The following NOMO3 variants were observed in gnomAD, a reference collection of about 807,000 sequenced individuals.
The protein encoded by NOMO3 is NODAL modulator 3, also known as BOS complex subunit NOMO3.
NOMO3 carries 15 observed loss-of-function variants against 69.9 expected under a neutral mutation model. That is an observed-to-expected ratio of 0.21 (90% CI 0.14 to 0.33). The LOEUF (loss-of-function observed/expected upper bound fraction) is 0.33. NOMO3 is among the 10% of genes least tolerant of loss of function. The pLI is 1.00. For missense variants in NOMO3, 218 were observed against 761.0 expected, an observed-to-expected ratio of 0.29 and a Z score of 8.39; for synonymous variants, 89 against 301.9, an observed-to-expected ratio of 0.29 and a Z score of 7.31.
rs911442866 is a variant in NOMO3 at position 16,245,315 on chromosome 16, C to T, written c.509+141C>T. 2.8e-5 allele frequency: 38 copies of T among 1,372,302 alleles called. 5 individuals carry two copies. Among genetic ancestry groups the T allele is most frequent in the African/African-American group, 5.2e-5 (3 of 58,100 alleles). 85.0% of individuals were successfully genotyped at this position (1,372,302 alleles called of 1,614,324 possible). A position where few individuals can be genotyped will look rare whatever the true frequency, so the allele number is the denominator to read the frequency against. ...TCTTAAGTTTGGGTGAGTTCATGCC[C>T]GTCAGAGTGCTGAGTTCCCCACATG... On this transcript the variant is annotated intron_variant, in intron 5 of 30. Coordinates refer to ENST00000399336, the MANE Select transcript of NOMO3 (RefSeq NM_001004067.4).
At chr16:16,254,661 G>T (rs1191729659) in intron 9 of NOMO3, among the ~76,000 whole-genome samples, 3 of 143,232 alleles carry the variant, frequency 2.1e-5, no homozygotes, top group Non-Finnish European at 4.4e-5. Context: ...CTGTCTCCAT[G>T]AGGTAACATG....
At chr16:16,239,186 C>T (rs1183087163) in intron 2 of NOMO3, among the ~76,000 whole-genome samples, 9 of 144,322 alleles carry the variant, frequency 6.2e-5, no homozygotes, top group Non-Finnish European at 1.3e-4. Context: ...GATCCCCTTC[C>T]GCTGCCCATG....
In NOMO3 at chr16:16,237,114, T is replaced by C. The variant is rs1394255017; in HGVS notation, c.255+124T>C. 4.3e-6 allele frequency: 5 copies of C among 1,159,936 alleles called. 2 individuals are homozygous for C. In the African/African-American group the frequency reaches 7.2e-5, roughly 17 times the overall value. 71.9% of individuals were successfully genotyped at this position (1,159,936 alleles called of 1,614,324 possible). On this transcript the variant is annotated intron_variant, in intron 2 of 30. Transcript: ENST00000399336. ...TGTTTTGTAAATTATTAGTGGAATA[T>C]GATAATCCTAGCCACATTTGGAGGG...
At chr16:16,235,994 C>T in intron 1 of NOMO3, 2 of 308,044 alleles carry the variant, frequency 6.5e-6, no homozygotes, top group Non-Finnish European at 1.3e-5. Context: ...ACTGGGTTAA[C>T]ACTTCGTGTC....
At chr16:16,241,323 T>G (rs2141247845) in intron 3 of NOMO3, among the ~76,000 whole-genome samples, 1 of 143,730 alleles carries the variant, frequency 7.0e-6, no homozygotes, top group Admixed American at 6.8e-5. Flanking sequence ...TTTATCTGTA[T>G]CATTTGTAGC....
rs1288997145 is a variant in NOMO3 at position 16,256,122 on chromosome 16, C to T, written c.1184C>T (p.Pro395Leu). 4 of 1,587,402 alleles carry T rather than the reference C, an allele frequency of 2.5e-6. 1 individual carries two copies. The highest frequency in any genetic ancestry group is 3.2e-5 in the African/African-American group (2 of 62,672). The change falls in exon 11 of 31, where the codon CCA becomes CTA. Residue 395 changes from proline to leucine, a missense_variant. Pro to Leu is a moderately conservative substitution (Grantham distance 98, BLOSUM62 -3). Coordinates refer to ENST00000399336, the MANE Select transcript of NOMO3 (RefSeq NM_001004067.4). ...YFETVTIKIA[P>L]NTPQLADIVA... ...GAAACGGTCACCATCAAAATTGCACCAAACACACCTCAGCTGGCTGACATT... is the reference window on the plus strand; with the variant it reads ...GAAACGGTCACCATCAAAATTGCACTAAACACACCTCAGCTGGCTGACATT...
intron 2 of NOMO3, among the ~76,000 whole-genome samples, chr16:16,237,663 C>T (rs1302322926): frequency 2.8e-5 from 4 of 143,338 alleles, no homozygotes; most frequent in Non-Finnish European, 1.5e-5. Flanking sequence ...ATTTTCCTTC[C>T]TCAGCCTCCT....
At chr16:16,236,120 T>C in intron 1 of NOMO3, 1 of 164,964 alleles carries the variant, frequency 6.1e-6, no homozygotes, top group Non-Finnish European at 1.3e-5. Context: ...ATTAAGTTTC[T>C]AGATGAATGT....
intron 11 of NOMO3, among the ~76,000 whole-genome samples, chr16:16,259,444 G>A (rs2141256961): frequency 7.2e-6 from 1 of 139,356 alleles, no homozygotes; most frequent in East Asian, 2.3e-4. Context: ...CGCCTCTCGG[G>A]TTCAAGTGAT....
chr16:16,234,747 A>G (rs1018369886), intron 1 of NOMO3, among the ~76,000 whole-genome samples: 2 of 150,642 alleles, frequency 1.3e-5, no homozygotes, highest in African/African-American at 2.5e-5. Flanking sequence ...ATAGCAGTAC[A>G]GTGAACAGAA....
At chr16:16,255,036 C>T (rs2049498614) in intron 9 of NOMO3, among the ~76,000 whole-genome samples, 1 of 144,076 alleles carries the variant, frequency 6.9e-6, no homozygotes, top group Non-Finnish European at 1.5e-5. Flanking sequence ...CCTCAGCCTC[C>T]CGAGTAGCTG....
chr16:16,269,276 C>T (rs1038141439), intron 16 of NOMO3, among the ~76,000 whole-genome samples: 22 of 141,588 alleles, frequency 1.6e-4, no homozygotes, highest in Admixed American at 5.5e-4. Context: ...AAATGCTCCC[C>T]CTCTCTGTGG....
At chr16:16,249,655 T>C (rs2049446489) in intron 6 of NOMO3, among the ~76,000 whole-genome samples, 1 of 144,008 alleles carries the variant, frequency 6.9e-6, no homozygotes, top group Non-Finnish European at 1.5e-5. Flanking sequence ...TTTTAAGGTT[T>C]ACATTGTATG....
At chr16:16,263,277 A>ATTTGGGAAACTT in intron 13 of NOMO3, 62 bp downstream of exon 13, 1 of 1,595,006 alleles carries the variant, frequency 6.3e-7, no homozygotes, top group Non-Finnish European at 8.5e-7. Flanking sequence ...TAGGAGTGGG[A>ATTTGGGAAACTT]TTTGGGAAAC....
chr16:16,257,963 A>C (rs1481488315), intron 11 of NOMO3, among the ~76,000 whole-genome samples: 1 of 140,104 alleles, frequency 7.1e-6, no homozygotes, highest in Admixed American at 6.9e-5. Context: ...ATAATTAATC[A>C]AACTAGTGTT....
At position 16,263,591 on chromosome 16, in the gene NOMO3, A is replaced by G. The variant is rs1249097913; in HGVS notation, c.1616A>G (p.Lys539Arg). Residue 539 changes from lysine (K) to arginine (R), a missense_variant, in exon 14 of 31, where the codon AAG becomes AGG. By Grantham distance (26) the Lys-to-Arg change is conservative. Transcript: ENST00000399336. The stretch of plus-strand genomic sequence containing the variant: ...AAGCGGAGCCTCCAGCTCTCCGGCA[A>G]GGTCAACGCCATGACTTTCACCTTT... Reference protein sequence around the residue: ...GEKRSLQLSGKVNAMTFTFDN... With the variant: ...GEKRSLQLSGRVNAMTFTFDN... The G allele has an allele frequency of 1.5e-5, 12 of 780,544 alleles. 1 individual carries two copies. Among genetic ancestry groups the G allele is most frequent in the Non-Finnish European group, 2.3e-5 (12 of 516,778 alleles). 48.4% of individuals were successfully genotyped at this position (780,544 alleles called of 1,614,324 possible).
chr16:16,265,337 C>G, intron 15 of NOMO3, 158 bp downstream of exon 15: 1 of 1,357,658 alleles, frequency 7.4e-7, no homozygotes, highest in South Asian at 1.3e-5. Flanking sequence ...AATCAGGAAG[C>G]ATTTATACTC....
chr16:16,272,391 GC>G (rs2049663039), intron 18 of NOMO3, among the ~76,000 whole-genome samples: 1 of 32,996 alleles, frequency 3.0e-5, no homozygotes, highest in African/African-American at 2.0e-4. Context: ...GGCAGCTCCC[GC>G]TTTCTCCTTG....
At chr16:16,244,176 C>T (rs1440891256) in intron 4 of NOMO3, among the ~76,000 whole-genome samples, 2 of 142,272 alleles carry the variant, frequency 1.4e-5, no homozygotes, top group Non-Finnish European at 3.0e-5. Flanking sequence ...ACTTCTTTCT[C>T]CTCTACCTTT....
Sources: gnomAD v4.1 joint callset for allele counts (sites outside exome capture counted in the v4.1 genomes callset) on GRCh38, gnomAD v4.1.1 for gene constraint, MANE v1.5 for transcripts, NCBI Gene and HGNC (gene_info 2026-07-23, HGNC 2026-07-21) for gene names.